Variants in STPG2 observed in about 807,000 individuals in gnomAD.
The protein encoded by STPG2 is sperm-tail PG-rich repeat-containing protein 2.
Under a neutral mutation model 54.2 loss-of-function variants are expected in STPG2, and 56 were observed. That is an observed-to-expected ratio of 1.03 (90% CI 0.83 to 1.29). STPG2 has a LOEUF of 1.29. STPG2 is among the 50% of genes most tolerant of loss of function. The probability of loss-of-function intolerance (pLI) is 0.00; values close to 1 mark genes in which losing one functional copy is unlikely to be tolerated. For synonymous variants in STPG2, 200 were observed against 181.8 expected, an observed-to-expected ratio of 1.10 and a Z score of -0.81; for missense variants, 596 against 544.9, an observed-to-expected ratio of 1.09 and a Z score of -0.93.
At chr4:97,529,624 G>C (rs915097095) in intron 4 of STPG2, among the ~76,000 whole-genome samples, 1 of 152,124 alleles carries the variant, frequency 6.6e-6, no homozygotes, top group Non-Finnish European at 1.5e-5. Context: ...GGCTTTTCTG[G>C]TTGGTAGGCT....
intron 5 of STPG2, among the ~76,000 whole-genome samples, chr4:97,991,340 ATG>A (rs1734999970): frequency 1.3e-5 from 2 of 150,894 alleles, no homozygotes; most frequent in Admixed American, 6.6e-5. Flanking sequence ...ACATATATAT[ATG>A]TGTGTATATA....
intron 5 of STPG2, among the ~76,000 whole-genome samples, chr4:97,991,459 G>A (rs918824292): frequency 4.4e-4 from 64 of 146,646 alleles, no homozygotes; most frequent in African/African-American, 1.4e-3. Context: ...GTGTGTGTGT[G>A]TATATATATA....
chr4:98,100,615 A>G (rs1286356450), intron 5 of STPG2, among the ~76,000 whole-genome samples: 3 of 151,104 alleles, frequency 2.0e-5, no homozygotes, highest in Non-Finnish European at 4.4e-5. Flanking sequence ...TAGGCCTATC[A>G]CACACCAAAT....
At chr4:97,917,747 G>A (rs925449740) in intron 8 of STPG2, among the ~76,000 whole-genome samples, 1 of 152,090 alleles carries the variant, frequency 6.6e-6, no homozygotes, top group African/African-American at 2.4e-5. Context: ...TAAAATAGGT[G>A]CAGAATACAA....
chr4:97,700,249 G>C (rs755028745), intron 10 of STPG2, among the ~76,000 whole-genome samples: 16 of 152,154 alleles, frequency 1.1e-4, no homozygotes, highest in Non-Finnish European at 1.5e-5. Context: ...TATGGCCCCA[G>C]TGGCAGAGCA....
intron 6 of STPG2, among the ~76,000 whole-genome samples, chr4:97,973,173 C>T (rs2195017): frequency 0.4 from 60,689 of 151,952 alleles, 12,291 homozygotes; most frequent in Middle Eastern, 0.46. Context: ...AAAATGCTGA[C>T]AGTGATATGC....
chr4:97,748,761 A>T (rs1725494768), intron 9 of STPG2, among the ~76,000 whole-genome samples: 1 of 151,602 alleles, frequency 6.6e-6, no homozygotes, highest in Admixed American at 6.6e-5. Context: ...ATACAATTTG[A>T]CACAAAATAG....
chr4:97,584,470 G>C (rs1399816689), intron 10 of STPG2, among the ~76,000 whole-genome samples: 1 of 151,742 alleles, frequency 6.6e-6, no homozygotes, highest in East Asian at 1.9e-4. Flanking sequence ...ACACCTCAAG[G>C]AAACAGAGAA....
At chr4:97,689,696 G>A (rs1416222517) in intron 10 of STPG2, among the ~76,000 whole-genome samples, 1 of 151,966 alleles carries the variant, frequency 6.6e-6, no homozygotes, top group Admixed American at 6.6e-5. Flanking sequence ...TAAATAAACT[G>A]TTCATAATAA....
intron 3 of STPG2, among the ~76,000 whole-genome samples, chr4:98,120,679 T>C (rs1332584386): frequency 2.0e-5 from 3 of 152,182 alleles, no homozygotes; most frequent in Non-Finnish European, 4.4e-5. Flanking sequence ...AGCTTTTTTG[T>C]ATATGCTTGT....
At chr4:98,122,489 T>C (rs1739706820) in intron 3 of STPG2, among the ~76,000 whole-genome samples, 1 of 152,240 alleles carries the variant, frequency 6.6e-6, no homozygotes, top group Non-Finnish European at 1.5e-5. Flanking sequence ...GTTTACATGA[T>C]GAATTACATT....
intron 4 of STPG2, among the ~76,000 whole-genome samples, chr4:97,517,652 T>G (rs1731102579): frequency 6.6e-6 from 1 of 152,100 alleles, no homozygotes. Flanking sequence ...ACATTATTTA[T>G]CATAAATTTC....
At chr4:98,019,143 T>G (rs1736081479) in intron 5 of STPG2, among the ~76,000 whole-genome samples, 1 of 152,236 alleles carries the variant, frequency 6.6e-6, no homozygotes, top group Non-Finnish European at 1.5e-5. Flanking sequence ...AGACTTTTTA[T>G]GGTTTTAGGT....
chr4:97,636,133 C>A (rs1361101487), intron 10 of STPG2, among the ~76,000 whole-genome samples: 2 of 150,660 alleles, frequency 1.3e-5, no homozygotes, highest in Non-Finnish European at 3.0e-5. Context: ...GACATTATAA[C>A]AAACTATCTC....
chr4:97,666,703 T>C (rs1722538350), intron 10 of STPG2, among the ~76,000 whole-genome samples: 1 of 152,230 alleles, frequency 6.6e-6, no homozygotes, highest in Non-Finnish European at 1.5e-5. Flanking sequence ...GCAGGTATCA[T>C]GCTAAGCCTT....
At chr4:97,635,437 G>T (rs1039066519) in intron 10 of STPG2, among the ~76,000 whole-genome samples, 1 of 152,068 alleles carries the variant, frequency 6.6e-6, no homozygotes, top group African/African-American at 2.4e-5. Context: ...ATCAACTAAC[G>T]AGCAAAATAA....
intron 10 of STPG2, among the ~76,000 whole-genome samples, chr4:97,647,332 T>A (rs1162622049): frequency 6.6e-6 from 1 of 152,134 alleles, no homozygotes; most frequent in Non-Finnish European, 1.5e-5. Flanking sequence ...GATTTATTGT[T>A]AATATCACTG....
intron 4 of STPG2, among the ~76,000 whole-genome samples, chr4:97,446,719 C>T (rs572897647): frequency 6.6e-6 from 1 of 152,294 alleles, no homozygotes; most frequent in African/African-American, 2.4e-5. Context: ...TCTGTCTTTT[C>T]TGCCACATTG....
At chr4:98,007,702 C>G (rs911875791) in intron 5 of STPG2, among the ~76,000 whole-genome samples, 2 of 149,004 alleles carry the variant, frequency 1.3e-5, no homozygotes, top group Non-Finnish European at 3.0e-5. Flanking sequence ...AAAATCAATA[C>G]AAAGAAATCA....
Sources: gnomAD v4.1 joint callset for allele counts (sites outside exome capture counted in the v4.1 genomes callset) on GRCh38, gnomAD v4.1.1 for gene constraint, MANE v1.5 for transcripts, NCBI Gene and HGNC (gene_info 2026-07-23, HGNC 2026-07-21) for gene names.